SEPTIN11: variants seen among roughly 807,000 people sequenced by gnomAD.
SEPTIN11 encodes the protein septin-11.
Under a neutral mutation model 51.4 loss-of-function variants are expected in SEPTIN11, and 25 were observed. The observed-to-expected ratio is 0.49, with a 90% confidence interval of 0.35 to 0.68. The LOEUF (loss-of-function observed/expected upper bound fraction) is 0.68, where lower values mean the gene tolerates loss of function less well. Among genes scored for constraint, SEPTIN11 ranks in the 30% least tolerant of loss-of-function variants. The probability of loss-of-function intolerance (pLI) is 0.00; values close to 1 mark genes in which losing one functional copy is unlikely to be tolerated. For synonymous variants in SEPTIN11, 174 were observed against 184.1 expected (o/e 0.95, Z 0.44); for missense variants, 381 against 520.8 (o/e 0.73, Z 2.61).
chr4:77,013,546 A>G (rs1181436732), intron 4 of SEPTIN11, among the ~76,000 whole-genome samples: 1 of 152,242 alleles, frequency 6.6e-6, no homozygotes, highest in Non-Finnish European at 1.5e-5. Context: ...ATAGCCAATA[A>G]GAACAATAGG....
rs186810755 is a variant in SEPTIN11 at position 77,032,698 on chromosome 4, G to T, written c.1274+1728G>T. Among the ~76,000 whole-genome samples the T allele has an allele frequency of 1.8e-3, 280 of 152,294 alleles. 1 individual carries two copies. The highest frequency in any genetic ancestry group is 6.3e-3 in the African/African-American group (261 of 41,566). On this transcript the variant is annotated intron_variant, in intron 9 of 9. Coordinates refer to ENST00000264893, the MANE Select transcript of SEPTIN11 (RefSeq NM_018243.4). ...ACCCTGAGGCACTCAGTGCATAAAG[G>T]TTCAAGTTTTAAAACTAAGAATGTT...
downstream of SEPTIN11, among the ~76,000 whole-genome samples, chr4:77,038,909 C>A (rs1727215466): frequency 6.6e-6 from 1 of 152,174 alleles, no homozygotes; most frequent in African/African-American, 2.4e-5. Context: ...CACTGGCCTC[C>A]TCTTCCCTGC....
At chr4:77,009,366 A>G (rs1724703519) in intron 3 of SEPTIN11, among the ~76,000 whole-genome samples, 1 of 152,192 alleles carries the variant, frequency 6.6e-6, no homozygotes, top group African/African-American at 2.4e-5. Context: ...AGGATAACCA[A>G]TTGTGGATGG....
intron 1 of SEPTIN11, among the ~76,000 whole-genome samples, chr4:76,958,160 T>C (rs1721644244): frequency 6.6e-6 from 1 of 152,228 alleles, no homozygotes; most frequent in Non-Finnish European, 1.5e-5. Flanking sequence ...TACCTGGCTG[T>C]TGCTGTGTCA....
chr4:76,964,010 G>T (rs111901541), intron 1 of SEPTIN11, among the ~76,000 whole-genome samples: 8,638 of 151,844 alleles, frequency 0.057, 449 homozygotes, highest in African/African-American at 0.13. Flanking sequence ...GTGTCCAAGT[G>T]TTCTCATTGT....
chr4:76,983,879 G>A (rs1263624429), intron 1 of SEPTIN11, among the ~76,000 whole-genome samples: 2 of 152,126 alleles, frequency 1.3e-5, no homozygotes, highest in Non-Finnish European at 2.9e-5. Flanking sequence ...GTGGTGGCAG[G>A]TGCCTGTAAT....
intron 1 of SEPTIN11, among the ~76,000 whole-genome samples, chr4:76,991,179 G>A (rs1007661766): frequency 2.0e-5 from 3 of 152,196 alleles, no homozygotes; most frequent in African/African-American, 7.2e-5. Flanking sequence ...GGTAAAGGAA[G>A]TCCAAGTTTC....
At chr4:77,020,872 A>G (rs1035826820) in intron 7 of SEPTIN11, 2 of 557,388 alleles carry the variant, frequency 3.6e-6, no homozygotes, top group Admixed American at 6.8e-5. Flanking sequence ...TGTCATTATT[A>G]TCCACATTTT....
intron 1 of SEPTIN11, among the ~76,000 whole-genome samples, chr4:76,950,440 C>A (rs764230239): frequency 3.5e-4 from 53 of 152,238 alleles, no homozygotes; most frequent in Non-Finnish European, 6.2e-4. Context: ...TCCCGGACAC[C>A]CTCGGGCATC....
chr4:76,994,376 C>G (rs1723550410), intron 1 of SEPTIN11, among the ~76,000 whole-genome samples: 2 of 152,154 alleles, frequency 1.3e-5, no homozygotes, highest in South Asian at 4.1e-4. Flanking sequence ...GGGGCAGGTA[C>G]AAGGATTGGG....
chr4:77,034,568 T>C lies in SEPTIN11; in HGVS notation c.*56T>C. 3 of 1,503,110 alleles carry C rather than the reference T, an allele frequency of 2.0e-6. No individual in the cohort carries two copies. Among genetic ancestry groups the C allele is most frequent in the Non-Finnish European group, 2.6e-6 (3 of 1,132,604 alleles). The allele number at this position is 1,503,110 out of a possible 1,614,324, so 93.1% of individuals were successfully genotyped here. ...CACCTGCTTTTGCAGTAATATCGTATCTCTGCCATGTGTGTTCTTTAGTTT... is the reference window on the plus strand; with the variant it reads ...CACCTGCTTTTGCAGTAATATCGTACCTCTGCCATGTGTGTTCTTTAGTTT... On this transcript the variant is annotated 3_prime_UTR_variant, in exon 10 of 10. Transcript: ENST00000264893.
intron 7 of SEPTIN11, among the ~76,000 whole-genome samples, chr4:77,022,887 G>GGCAAGACCAA (rs200509021): frequency 0.045 from 6,908 of 152,258 alleles, 243 homozygotes; most frequent in East Asian, 0.096. Flanking sequence ...TTGCCACTTA[G>GGCAAGACCAA]GTCTTTCCAC....
rs1727171612 is a variant in SEPTIN11, at chr4:77,038,342, T to C, written c.*3830T>C. 2 of 985,828 alleles carry C rather than the reference T, an allele frequency of 2.0e-6. No homozygotes were observed. The allele number at this position is 985,828 out of a possible 1,614,324, so 61.1% of individuals were successfully genotyped here. A position where few individuals can be genotyped will look rare whatever the true frequency, so the allele number is the denominator to read the frequency against. ...CATTTTGCTGTTTGAAAATAACCAA[T>C]GTGTTTTCTAAAACTGTCGTGTAAT... On this transcript the variant is annotated 3_prime_UTR_variant, in exon 10 of 10. Transcript: ENST00000264893.
chr4:76,993,386 C>T (rs1723488125), intron 1 of SEPTIN11, among the ~76,000 whole-genome samples: 1 of 151,558 alleles, frequency 6.6e-6, no homozygotes, highest in African/African-American at 2.4e-5. Context: ...AGAGTCGTTT[C>T]CAGATGTGTT....
At chr4:77,007,769 G>C (rs1724591555) in intron 3 of SEPTIN11, among the ~76,000 whole-genome samples, 1 of 152,116 alleles carries the variant, frequency 6.6e-6, no homozygotes, top group African/African-American at 2.4e-5. Context: ...AAAACTCTCT[G>C]TTACCCTGTG....
In SEPTIN11 at chr4:77,030,971, G is replaced by T; in HGVS notation, c.1274+1G>T. 6.3e-7 allele frequency: 1 copy of T among 1,599,836 alleles called. No individual in the cohort carries two copies. The highest frequency in any genetic ancestry group is 8.5e-7 in the Non-Finnish European group (1 of 1,177,100). On this transcript the variant is annotated splice_donor_variant, in intron 9 of 9. Coordinates refer to ENST00000264893, the MANE Select transcript of SEPTIN11 (RefSeq NM_018243.4). LOFTEE classifies it high-confidence loss of function. ...CCAAGAAAGACAAGGATAAGAAAAAGTAAGCAGGTGTCACCCCCCTGTATC... is the reference window on the plus strand; with the variant it reads ...CCAAGAAAGACAAGGATAAGAAAAATTAAGCAGGTGTCACCCCCCTGTATC...
intron 1 of SEPTIN11, among the ~76,000 whole-genome samples, chr4:76,965,450 C>CA (rs56828579): frequency 0.06 from 4,624 of 77,140 alleles, 103 homozygotes; most frequent in Middle Eastern, 0.088. Flanking sequence ...GACTCCATTT[C>CA]AAAAAAAAAA....
At chr4:76,998,902 G>C (rs1273897322) in intron 2 of SEPTIN11, among the ~76,000 whole-genome samples, 2 of 152,082 alleles carry the variant, frequency 1.3e-5, no homozygotes, top group East Asian at 3.9e-4. Flanking sequence ...GGGGAAGATG[G>C]AGTCAGTTCA....
At chr4:76,987,423 TGAGA>T (rs1723089616) in intron 1 of SEPTIN11, among the ~76,000 whole-genome samples, 2 of 152,156 alleles carry the variant, frequency 1.3e-5, no homozygotes, top group South Asian at 4.1e-4. Context: ...TCATTGGTAA[TGAGA>T]TGGTCCAGAC....
Sources: gnomAD v4.1 joint callset for allele counts (sites outside exome capture counted in the v4.1 genomes callset) on GRCh38, gnomAD v4.1.1 for gene constraint, MANE v1.5 for transcripts, NCBI Gene and HGNC (gene_info 2026-07-23, HGNC 2026-07-21) for gene names.